Variants in PTPRK observed in about 807,000 individuals in gnomAD.
PTPRK encodes the protein receptor-type tyrosine-protein phosphatase kappa.
A neutral mutation model predicts 178.0 loss-of-function variants in PTPRK; 75 were observed. The ratio of observed to expected loss-of-function variants is 0.42; its 90% CI spans 0.35 to 0.51. The LOEUF (loss-of-function observed/expected upper bound fraction) is 0.51. Among genes scored for constraint, PTPRK ranks in the 20% least tolerant of loss-of-function variants. The probability of loss-of-function intolerance (pLI) is 0.02; values close to 1 mark genes in which losing one functional copy is unlikely to be tolerated. For missense variants in PTPRK, 1,441 were observed against 1,797.8 expected (o/e 0.80, Z 3.59); for synonymous variants, 637 against 620.6 (o/e 1.03, Z -0.39).
At chr6:128,072,964 A>G (rs1384348910) in intron 11 of PTPRK, among the ~76,000 whole-genome samples, 3 of 152,108 alleles carry the variant, frequency 2.0e-5, no homozygotes, top group South Asian at 2.1e-4. Context: ...TCTAGGGTGG[A>G]AAAAACAAAA....
chr6:128,204,526 A>T (rs965033532), intron 6 of PTPRK, among the ~76,000 whole-genome samples: 2 of 152,178 alleles, frequency 1.3e-5, no homozygotes, highest in Admixed American at 6.5e-5. Flanking sequence ...CCATCTGACA[A>T]AAGTCTAATA....
chr6:128,278,301 T>C (rs1297092364), intron 3 of PTPRK, among the ~76,000 whole-genome samples: 1 of 151,872 alleles, frequency 6.6e-6, no homozygotes. Context: ...GGATTACAGG[T>C]GCACACCACC....
At chr6:128,322,467 A>G (rs1828938087) in intron 2 of PTPRK, among the ~76,000 whole-genome samples, 157 bp from the exon 3 acceptor site, 1 of 152,142 alleles carries the variant, frequency 6.6e-6, no homozygotes, top group African/African-American at 2.4e-5. Flanking sequence ...AAATAAGTAG[A>G]TGAACTGAAT....
intron 13 of PTPRK, among the ~76,000 whole-genome samples, chr6:128,027,467 C>T (rs752386351): frequency 6.6e-6 from 1 of 152,024 alleles, no homozygotes; most frequent in Non-Finnish European, 1.5e-5. Flanking sequence ...AAAAGTCAAA[C>T]TGACCTTTAA....
intron 6 of PTPRK, among the ~76,000 whole-genome samples, chr6:128,188,794 T>C (rs2114711623): frequency 6.6e-6 from 1 of 152,294 alleles, no homozygotes; most frequent in East Asian, 1.9e-4. Context: ...CTGGTGGTGC[T>C]GGTATTCCTG....
chr6:128,109,241 A>C (rs1413706819), intron 7 of PTPRK, among the ~76,000 whole-genome samples: 1 of 152,130 alleles, frequency 6.6e-6, no homozygotes, highest in African/African-American at 2.4e-5. Context: ...AAGTTTCAAA[A>C]GTTTGAAATG....
chr6:128,302,391 CAAAAAAAAA>C (rs534525238), intron 3 of PTPRK, among the ~76,000 whole-genome samples: 2 of 30,952 alleles, frequency 6.5e-5, no homozygotes, highest in East Asian at 1.4e-3. Context: ...GACTCAATTC[CAAAAAAAAA>C]AAAAAAAAAA....
In PTPRK at chr6:128,089,690, C is replaced by T; in HGVS notation, c.1465G>A (p.Val489Met). ...TTTAAACAGCAAAGTATGAGCATACCATCTTCATCAGTTTGAATAATTGTC... is the reference window on the plus strand; with the variant it reads ...TTTAAACAGCAAAGTATGAGCATACTATCTTCATCAGTTTGAATAATTGTC... Reference protein sequence around the residue: ...EETIIQTDEDVPGPVPVKSLQ... With the variant: ...EETIIQTDEDMPGPVPVKSLQ... The change falls in exon 8 of 30, where the codon GTG becomes ATG. Residue 489 changes from valine to methionine, a missense_variant and splice_region_variant. Transcript: ENST00000368226. 6.2e-7 allele frequency: 1 copy of T among 1,603,984 alleles called. No homozygotes were observed. Among genetic ancestry groups the T allele is most frequent in the Non-Finnish European group, 8.5e-7 (1 of 1,171,082 alleles).
chr6:128,073,543 G>C (rs1484251475), intron 11 of PTPRK, among the ~76,000 whole-genome samples: 2 of 151,930 alleles, frequency 1.3e-5, no homozygotes, highest in Non-Finnish European at 2.9e-5. Context: ...ATATTACCCT[G>C]AAATTCTGTA....
At chr6:128,022,064 C>A (rs2114764620) in intron 13 of PTPRK, among the ~76,000 whole-genome samples, 1 of 152,268 alleles carries the variant, frequency 6.6e-6, no homozygotes, top group African/African-American at 2.4e-5. Context: ...CCCCAAATCC[C>A]TCGCTTACAT....
intron 1 of PTPRK, among the ~76,000 whole-genome samples, chr6:128,417,854 T>G (rs1047817846): frequency 2.0e-5 from 3 of 152,162 alleles, no homozygotes; most frequent in Non-Finnish European, 2.9e-5. Flanking sequence ...CGTGGTCCTT[T>G]TCGTGTCTAA....
chr6:128,035,083 T>C (rs1456591094), intron 13 of PTPRK, among the ~76,000 whole-genome samples: 1 of 152,158 alleles, frequency 6.6e-6, no homozygotes, highest in East Asian at 1.9e-4. Flanking sequence ...TTAAAAACAA[T>C]TACATTGGCT....
At position 128,311,016 on chromosome 6, in the gene PTPRK, C is replaced by T. The variant is rs1202393860; in HGVS notation, c.495+11023G>A. 3.3e-5 allele frequency among the ~76,000 whole-genome samples: 5 copies of T among 152,050 alleles called. No individual in the cohort carries two copies. In the East Asian group the frequency reaches 9.6e-4, roughly 29 times the overall value. ...TTATAAGGGAAAGTTCCCCCGGGAT[C>T]CCAGCAGAAAGAACAAACTTAAATG... On this transcript the variant is annotated intron_variant, in intron 3 of 29. Transcript: ENST00000368226.
intron 6 of PTPRK, among the ~76,000 whole-genome samples, chr6:128,197,014 T>C (rs1419919135): frequency 6.6e-6 from 1 of 152,120 alleles, no homozygotes; most frequent in Non-Finnish European, 1.5e-5. Context: ...GCTACTATTT[T>C]AAACATTATA....
intron 7 of PTPRK, among the ~76,000 whole-genome samples, chr6:128,134,760 T>C (rs1470817536): frequency 2.0e-5 from 3 of 152,090 alleles, no homozygotes; most frequent in Admixed American, 2.0e-4. Flanking sequence ...GCAGTGATTG[T>C]ACCACTGCAC....
intron 7 of PTPRK, among the ~76,000 whole-genome samples, chr6:128,143,245 A>G (rs897245073): frequency 1.3e-5 from 2 of 152,112 alleles, no homozygotes; most frequent in African/African-American, 4.8e-5. Flanking sequence ...CCATTCTCCC[A>G]GTACTTTGAC....
chr6:128,502,593 GCCTATACCAGCT>G, intron 1 of PTPRK, among the ~76,000 whole-genome samples: 1 of 152,118 alleles, frequency 6.6e-6, no homozygotes, highest in Non-Finnish European at 1.5e-5. Context: ...GCTGAAACCA[GCCTATACCAGCT>G]CCTGAAAGTC....
intron 1 of PTPRK, among the ~76,000 whole-genome samples, chr6:128,408,002 T>C (rs922701555): frequency 6.6e-6 from 1 of 152,228 alleles, no homozygotes; most frequent in Admixed American, 6.5e-5. Context: ...CCATACCTTA[T>C]ATTTTGAAAT....
At chr6:128,274,492 G>A (rs1013357594) in intron 3 of PTPRK, among the ~76,000 whole-genome samples, 8 of 151,776 alleles carry the variant, frequency 5.3e-5, no homozygotes, top group African/African-American at 1.2e-4. Context: ...TTTACTATGC[G>A]TCTCATAATA....
Sources: allele counts gnomAD v4.1 joint callset (sites outside exome capture counted in the v4.1 genomes callset), GRCh38; gene constraint gnomAD v4.1.1; transcripts MANE v1.5; gene names NCBI Gene and HGNC (gene_info 2026-07-23, HGNC 2026-07-21).